Variants in GABPB1 observed in about 807,000 individuals in gnomAD.
GABPB1 encodes the protein GA-binding protein subunit beta-1.
GABPB1 carries 15 observed loss-of-function variants against 45.9 expected under a neutral mutation model. That is an observed-to-expected ratio of 0.33 (90% CI 0.22 to 0.50). The LOEUF (loss-of-function observed/expected upper bound fraction) is 0.50, where lower values mean the gene tolerates loss of function less well. GABPB1 is among the 20% of genes least tolerant of loss of function. The pLI is 0.98. For missense variants in GABPB1, 252 were observed against 457.5 expected, an observed-to-expected ratio of 0.55 and a Z score of 4.10; for synonymous variants, 143 against 154.4, an observed-to-expected ratio of 0.93 and a Z score of 0.55.
intron 4 of GABPB1, among the ~76,000 whole-genome samples, 162 bp downstream of exon 4, chr15:50,302,767 A>G (rs759081583): frequency 3.9e-5 from 6 of 152,088 alleles, no homozygotes; most frequent in Non-Finnish European, 8.8e-5. Context: ...AATGAATAGT[A>G]ATAAACAAAG....
intron 4 of GABPB1, among the ~76,000 whole-genome samples, chr15:50,302,109 T>C (rs2046772058): frequency 6.6e-6 from 1 of 152,144 alleles, no homozygotes; most frequent in Admixed American, 6.5e-5. Context: ...TAATTTATAT[T>C]ATGTCATCTG....
At chr15:50,332,455 A>T (rs2047980149) in intron 1 of GABPB1, among the ~76,000 whole-genome samples, 1 of 152,122 alleles carries the variant, frequency 6.6e-6, no homozygotes. Context: ...ACCAAATATA[A>T]TTTTTTAAAT....
Position 50,302,528 on chromosome 15 carries a change from C to G in GABPB1, c.471+401G>C, listed in dbSNP as rs1246883071. On this transcript the variant is annotated intron_variant, in intron 4 of 8. Coordinates refer to ENST00000380877, the MANE Select transcript of GABPB1 (RefSeq NM_016654.5). ...GCATGGCAGCATGCACCTGTAGTCCCAGCTATTTGAGAGGCTGGGGCAGGA... is the reference window on the plus strand; with the variant it reads ...GCATGGCAGCATGCACCTGTAGTCCGAGCTATTTGAGAGGCTGGGGCAGGA... Among the ~76,000 whole-genome samples the G allele has an allele frequency of 1.5e-4, 22 of 150,772 alleles. No homozygotes were observed. The Admixed American group carries it at 1.5e-3, about 10-fold the overall frequency.
intron 1 of GABPB1, among the ~76,000 whole-genome samples, chr15:50,323,012 G>A (rs866888659): frequency 1.3e-5 from 2 of 152,102 alleles, no homozygotes; most frequent in Non-Finnish European, 2.9e-5. Flanking sequence ...CTGGGCAACA[G>A]GAGTGAGACC....
chr15:50,312,799 C>T (rs2047176020), intron 1 of GABPB1, among the ~76,000 whole-genome samples: 1 of 152,156 alleles, frequency 6.6e-6, no homozygotes, highest in South Asian at 2.1e-4. Flanking sequence ...GTTTAGATAT[C>T]TGAGTATCTT....
chr15:50,293,214 G>T (rs1438104783), intron 6 of GABPB1, among the ~76,000 whole-genome samples: 1 of 152,082 alleles, frequency 6.6e-6, no homozygotes, highest in Non-Finnish European at 1.5e-5. Context: ...TCACAGTATG[G>T]CATCATGGAT....
At chr15:50,323,863 T>G (rs913306738) in intron 1 of GABPB1, among the ~76,000 whole-genome samples, 5 of 152,100 alleles carry the variant, frequency 3.3e-5, no homozygotes, top group Non-Finnish European at 5.9e-5. Context: ...CAGAGTCAGA[T>G]CCTGTCATTA....
intron 1 of GABPB1, chr15:50,353,077 A>G (rs1391361334): frequency 6.6e-6 from 1 of 152,230 alleles, no homozygotes; most frequent in Non-Finnish European, 1.5e-5. Context: ...CATTTACACA[A>G]GTGTTGATAG....
intron 1 of GABPB1, among the ~76,000 whole-genome samples, chr15:50,316,861 C>T (rs1305233976): frequency 6.6e-6 from 1 of 152,124 alleles, no homozygotes; most frequent in Admixed American, 6.5e-5. Context: ...TAAACTCCCA[C>T]ATAGCCATTT....
intron 1 of GABPB1, among the ~76,000 whole-genome samples, chr15:50,314,926 C>T (rs2047263433): frequency 1.3e-5 from 2 of 152,224 alleles, no homozygotes; most frequent in Admixed American, 6.5e-5. Context: ...TATCAATCAG[C>T]TTGTCCAGCT....
chr15:50,326,496 A>G (rs1432963111), intron 1 of GABPB1, among the ~76,000 whole-genome samples: 1 of 151,842 alleles, frequency 6.6e-6, no homozygotes, highest in Non-Finnish European at 1.5e-5. Context: ...CGTCTCTACT[A>G]AACAATAAAA....
chr15:50,298,545 A>G (rs2046606451), intron 6 of GABPB1, among the ~76,000 whole-genome samples: 2 of 152,264 alleles, frequency 1.3e-5, no homozygotes, highest in African/African-American at 4.8e-5. Context: ...GATGATGCAT[A>G]TAACTGCTAA....
chr15:50,337,120 TATATATATAA>T (rs2048173614), intron 1 of GABPB1, among the ~76,000 whole-genome samples: 1 of 8,186 alleles, frequency 1.2e-4, no homozygotes, highest in Non-Finnish European at 2.0e-4. Flanking sequence ...TATATATATA[TATATATATAA>T]TATGAAGAGG....
At chr15:50,328,160 G>C (rs1228939471) in intron 1 of GABPB1, among the ~76,000 whole-genome samples, 2 of 150,780 alleles carry the variant, frequency 1.3e-5, no homozygotes, top group Non-Finnish European at 2.9e-5. Flanking sequence ...TTGTGTGTTT[G>C]ATTATACACA....
chr15:50,346,587 G>GTTTTTTTTTTTTT (rs67151288), intron 1 of GABPB1, among the ~76,000 whole-genome samples: 1 of 119,906 alleles, frequency 8.3e-6, no homozygotes. Context: ...ACAACAGAAA[G>GTTTTTTTTTTTTT]TTTTTTTTTT....
intron 1 of GABPB1, among the ~76,000 whole-genome samples, chr15:50,331,592 AG>A (rs2047949766): frequency 4.6e-5 from 7 of 152,324 alleles, no homozygotes; most frequent in African/African-American, 1.4e-4. Flanking sequence ...TGAGATTACT[AG>A]CAAGTTGTCA....
intron 6 of GABPB1, among the ~76,000 whole-genome samples, chr15:50,299,152 TG>T (rs1417556687): frequency 6.6e-6 from 1 of 152,198 alleles, no homozygotes; most frequent in African/African-American, 2.4e-5. Context: ...TTGTTATTAT[TG>T]ATCAAATTTT....
intron 1 of GABPB1, among the ~76,000 whole-genome samples, chr15:50,315,416 G>A (rs1227809191): frequency 6.6e-6 from 1 of 152,224 alleles, no homozygotes; most frequent in African/African-American, 2.4e-5. Flanking sequence ...ATAGGCATGA[G>A]CCACTGCACC....
chr15:50,314,798 T>C (rs1330936295), intron 1 of GABPB1: 2 of 152,240 alleles, frequency 1.3e-5, no homozygotes, highest in Non-Finnish European at 2.9e-5. Flanking sequence ...TTCCAAATAT[T>C]CTAGAATGCA....
Sources: allele counts gnomAD v4.1 joint callset (sites outside exome capture counted in the v4.1 genomes callset), GRCh38; gene constraint gnomAD v4.1.1; transcripts MANE v1.5; gene names NCBI Gene and HGNC (gene_info 2026-07-23, HGNC 2026-07-21).